CHN2: variants seen among roughly 807,000 people sequenced by gnomAD.
CHN2 encodes the protein chimerin 2, also known as beta-chimaerin.
CHN2 carries 35 observed loss-of-function variants against 56.3 expected under a neutral mutation model. The observed-to-expected ratio is 0.62, with a 90% confidence interval of 0.47 to 0.82. The LOEUF (loss-of-function observed/expected upper bound fraction) is 0.82. CHN2 is among the 40% of genes least tolerant of loss of function. The pLI is 0.00. For missense variants in CHN2, 491 were observed against 580.5 expected (o/e 0.85, Z 1.58); for synonymous variants, 210 against 212.8 (o/e 0.99, Z 0.12).
chr7:29,437,597 C>CAAAAAAA (rs11436612), intron 6 of CHN2, among the ~76,000 whole-genome samples: 5 of 52,622 alleles, frequency 9.5e-5, no homozygotes, highest in East Asian at 4.2e-4. Context: ...GACTCCGTCT[C>CAAAAAAA]AAAAAAAAAA....
intron 1 of CHN2, among the ~76,000 whole-genome samples, chr7:29,348,360 C>G (rs1385012429): frequency 6.6e-6 from 1 of 152,210 alleles, no homozygotes; most frequent in Non-Finnish European, 1.5e-5. Context: ...TTCCAGGCCC[C>G]TTTAACCCGC....
intron 1 of CHN2, among the ~76,000 whole-genome samples, chr7:29,201,268 C>G (rs112984323): frequency 4.2e-4 from 64 of 152,292 alleles, no homozygotes; most frequent in African/African-American, 1.5e-3. Context: ...AACTCAGAAA[C>G]TGTCTCATGC....
chr7:29,413,999 T>TTAC (rs1281137066), intron 6 of CHN2, among the ~76,000 whole-genome samples: 1 of 152,320 alleles, frequency 6.6e-6, no homozygotes, highest in East Asian at 1.9e-4. Flanking sequence ...GCCTCTGTGA[T>TTAC]TTCTAAGAGA....
At chr7:29,258,250 G>T (rs552285464) in intron 1 of CHN2, among the ~76,000 whole-genome samples, 2 of 152,108 alleles carry the variant, frequency 1.3e-5, no homozygotes, top group Non-Finnish European at 2.9e-5. Flanking sequence ...GATTATCCTG[G>T]GAAAACCAGG....
At chr7:29,429,800 G>A (rs1045075083) in intron 6 of CHN2, among the ~76,000 whole-genome samples, 6 of 152,166 alleles carry the variant, frequency 3.9e-5, no homozygotes, top group African/African-American at 1.4e-4. Context: ...ATATAAATTT[G>A]GAAATGTATC....
chr7:29,211,450 G>GCACACACACA (rs148200755), intron 1 of CHN2, among the ~76,000 whole-genome samples: 67 of 138,356 alleles, frequency 4.8e-4, no homozygotes, highest in Non-Finnish European at 6.8e-4. Context: ...CTGCATGTTG[G>GCACACACACA]CACACACACA....
chr7:29,340,073 C>T (rs953774109), intron 1 of CHN2, among the ~76,000 whole-genome samples: 14 of 151,898 alleles, frequency 9.2e-5, no homozygotes, highest in Admixed American at 2.6e-4. Flanking sequence ...AAGGAACAAG[C>T]AAGCATGATG....
At chr7:29,286,203 C>G (rs918364932) in intron 1 of CHN2, among the ~76,000 whole-genome samples, 1 of 136,080 alleles carries the variant, frequency 7.3e-6, no homozygotes, top group African/African-American at 2.7e-5. Context: ...TGATTCCATT[C>G]TCTCTCATCT....
chr7:29,347,810 C>T (rs1022723531), intron 1 of CHN2, among the ~76,000 whole-genome samples: 14 of 152,172 alleles, frequency 9.2e-5, no homozygotes, highest in South Asian at 2.1e-4. Flanking sequence ...GTCCAAGCAA[C>T]AGTTATAAAA....
chr7:29,167,005 A>G (rs1796009218), intron 2 of CHN2, among the ~76,000 whole-genome samples: 1 of 152,112 alleles, frequency 6.6e-6, no homozygotes, highest in Non-Finnish European at 1.5e-5. Context: ...TGCATAGAGT[A>G]CATATACTGT....
intron 2 of CHN2, among the ~76,000 whole-genome samples, chr7:29,178,043 A>G (rs1212613650): frequency 6.6e-6 from 1 of 152,132 alleles, no homozygotes; most frequent in African/African-American, 2.4e-5. Flanking sequence ...ATGATTGTTT[A>G]TCTCATGCCT....
intron 1 of CHN2, among the ~76,000 whole-genome samples, chr7:29,349,462 A>G (rs1422493129): frequency 6.6e-6 from 1 of 152,184 alleles, no homozygotes; most frequent in Non-Finnish European, 1.5e-5. Flanking sequence ...AACCTAAGCA[A>G]TCTAGTTCCG....
At chr7:29,480,492 T>G in intron 7 of CHN2, 136 bp downstream of exon 7, 1 of 914,710 alleles carries the variant, frequency 1.1e-6, no homozygotes, top group Non-Finnish European at 1.7e-6. Context: ...AGCTATAAGC[T>G]TAACACCTGC....
chr7:29,464,931 A>G (rs1053355169), intron 6 of CHN2, among the ~76,000 whole-genome samples: 2 of 152,158 alleles, frequency 1.3e-5, no homozygotes, highest in South Asian at 2.1e-4. Flanking sequence ...CCTGAGTGCA[A>G]TGCCAGATGG....
chr7:29,242,472 G>C (rs1344749594), intron 1 of CHN2, among the ~76,000 whole-genome samples: 1 of 152,124 alleles, frequency 6.6e-6, no homozygotes, highest in Admixed American at 6.6e-5. Context: ...AAATCCTTCA[G>C]CCAATGGCAG....
intron 6 of CHN2, among the ~76,000 whole-genome samples, chr7:29,457,311 G>A (rs1361404515): frequency 6.6e-6 from 1 of 152,126 alleles, no homozygotes; most frequent in Non-Finnish European, 1.5e-5. Flanking sequence ...AGAGAGTCAC[G>A]TCTGTGCTCC....
intron 6 of CHN2, among the ~76,000 whole-genome samples, chr7:29,436,137 C>A (rs1370765952): frequency 6.6e-6 from 1 of 152,080 alleles, no homozygotes; most frequent in Non-Finnish European, 1.5e-5. Flanking sequence ...ACACCCAAAC[C>A]TTTGAATTCC....
intron 11 of CHN2, among the ~76,000 whole-genome samples, chr7:29,508,705 GCATGTACT>G (rs990872544): frequency 1.6e-3 from 237 of 152,246 alleles, no homozygotes; most frequent in African/African-American, 5.5e-3. Context: ...AAAGCCAGAA[GCATGTACT>G]CTTCCTCCCA....
intron 1 of CHN2, among the ~76,000 whole-genome samples, chr7:29,334,735 G>A (rs1182191478): frequency 2.0e-5 from 3 of 152,006 alleles, no homozygotes; most frequent in Admixed American, 6.5e-5. Flanking sequence ...CAGCCTGGGC[G>A]ACAGAGCCAG....
Sources: allele counts gnomAD v4.1 joint callset (sites outside exome capture counted in the v4.1 genomes callset), GRCh38; gene constraint gnomAD v4.1.1; transcripts MANE v1.5; gene names NCBI Gene and HGNC (gene_info 2026-07-23, HGNC 2026-07-21).